RANBP2: variants seen among roughly 807,000 people sequenced by gnomAD.
RANBP2 encodes E3 SUMO-protein ligase RanBP2.
A neutral mutation model predicts 303.6 loss-of-function variants in RANBP2; 57 were observed. That is an observed-to-expected ratio of 0.19 (90% confidence interval 0.15 to 0.23). The LOEUF is 0.23. Ranked by LOEUF, RANBP2 falls within the 10% of genes least tolerant of loss-of-function variation. The pLI is 1.00. For missense variants in RANBP2, 3,138 were observed against 3,780.8 expected, an observed-to-expected ratio of 0.83 and a Z score of 4.46; for synonymous variants, 1,167 against 1,301.5, an observed-to-expected ratio of 0.90 and a Z score of 2.23.
the RANBP2 span, among the ~76,000 whole-genome samples, chr2:109,520,669 G>A: frequency 7.5e-6 from 1 of 133,602 alleles, no homozygotes; most frequent in East Asian, 2.1e-4. Context: ...AGCGGCTCAC[G>A]CCTATAATCC....
chr2:109,485,881 G>C, the RANBP2 span, among the ~76,000 whole-genome samples: 7 of 152,354 alleles, frequency 4.6e-5, no homozygotes, highest in East Asian at 9.6e-4. Context: ...CAAGCCTCCA[G>C]TCCCTGGCCC....
At chr2:109,318,876 C>A in the RANBP2 span, among the ~76,000 whole-genome samples, 1 of 152,256 alleles carries the variant, frequency 6.6e-6, no homozygotes, top group African/African-American at 2.4e-5. Context: ...GAACCAAAGC[C>A]AGCTGGAATT....
At chr2:109,501,990 A>G in the RANBP2 span, 1 of 296,474 alleles carries the variant, frequency 3.4e-6, no homozygotes, top group Non-Finnish European at 6.5e-6. Flanking sequence ...CAGCCATGGC[A>G]GCGTTCTCAT....
the RANBP2 span, chr2:108,883,713 G>A: frequency 6.6e-6 from 1 of 152,288 alleles, no homozygotes; most frequent in Non-Finnish European, 1.5e-5. Context: ...GTTGCCATCA[G>A]GAGACAACAG....
At chr2:109,760,657 G>C in the RANBP2 span, among the ~76,000 whole-genome samples, 2 of 144,988 alleles carry the variant, frequency 1.4e-5, no homozygotes, top group Admixed American at 1.4e-4. Flanking sequence ...CGCAGCGCGC[G>C]GGCGGCCCGA....
the RANBP2 span, among the ~76,000 whole-genome samples, chr2:109,584,779 A>G: frequency 6.6e-6 from 1 of 152,186 alleles, no homozygotes; most frequent in Non-Finnish European, 1.5e-5. Context: ...TATTGTTCTT[A>G]TATGTCTTGT....
At chr2:109,636,964 C>A in the RANBP2 span, among the ~76,000 whole-genome samples, 1 of 152,158 alleles carries the variant, frequency 6.6e-6, no homozygotes, top group Non-Finnish European at 1.5e-5. Context: ...GGGACCAGCG[C>A]TCAGCATACC....
the RANBP2 span, among the ~76,000 whole-genome samples, chr2:108,919,622 T>C: frequency 6.6e-6 from 1 of 152,130 alleles, no homozygotes; most frequent in Non-Finnish European, 1.5e-5. Flanking sequence ...CCTCCCAGAG[T>C]GCTGAGATTT....
chr2:108,877,786 C>G, the RANBP2 span, among the ~76,000 whole-genome samples: 2 of 152,272 alleles, frequency 1.3e-5, no homozygotes, highest in Non-Finnish European at 2.9e-5. Flanking sequence ...AAGGGCTCAT[C>G]ATGTTCCAGA....
chr2:108,916,828 C>T, the RANBP2 span, among the ~76,000 whole-genome samples: 2 of 152,212 alleles, frequency 1.3e-5, no homozygotes, highest in Admixed American at 6.5e-5. Context: ...AGCCCCCTCA[C>T]GTTCCAAAGT....
At chr2:109,659,047 AG>A in the RANBP2 span, among the ~76,000 whole-genome samples, 2 of 151,074 alleles carry the variant, frequency 1.3e-5, no homozygotes, top group Non-Finnish European at 2.9e-5. Context: ...CCTGGGTGAC[AG>A]GGCGAGACTC....
the RANBP2 span, among the ~76,000 whole-genome samples, chr2:108,838,678 A>G: frequency 6.6e-5 from 10 of 152,294 alleles, no homozygotes; most frequent in African/African-American, 7.2e-5. Flanking sequence ...TATGCATGCA[A>G]TGTAGACATA....
intron 18 of RANBP2, among the ~76,000 whole-genome samples, chr2:108,759,456 G>A (rs535212862): frequency 6.6e-6 from 1 of 152,150 alleles, no homozygotes; most frequent in African/African-American, 2.4e-5. Flanking sequence ...TTTTACGTAC[G>A]ACAGACTTCT....
At chr2:108,821,613 A>G in the RANBP2 span, among the ~76,000 whole-genome samples, 1 of 152,190 alleles carries the variant, frequency 6.6e-6, no homozygotes, top group East Asian at 1.9e-4. Flanking sequence ...CAAAAAAGCT[A>G]CAAAACATAC....
At chr2:108,858,003 A>G in the RANBP2 span, among the ~76,000 whole-genome samples, 1 of 152,222 alleles carries the variant, frequency 6.6e-6, no homozygotes, top group East Asian at 1.9e-4. Flanking sequence ...AGTCTATTAG[A>G]GGAGATAGTC....
At chr2:109,131,865 C>T in the RANBP2 span, among the ~76,000 whole-genome samples, 5 of 152,266 alleles carry the variant, frequency 3.3e-5, no homozygotes, top group East Asian at 9.6e-4. Flanking sequence ...GTTTAATAGA[C>T]GAGCACTTAT....
At chr2:109,137,478 C>T in the RANBP2 span, among the ~76,000 whole-genome samples, 1 of 152,174 alleles carries the variant, frequency 6.6e-6, no homozygotes, top group African/African-American at 2.4e-5. Flanking sequence ...AGAGAACTTG[C>T]TGCTGTGGCT....
At chr2:109,146,022 T>C in the RANBP2 span, among the ~76,000 whole-genome samples, 2 of 152,060 alleles carry the variant, frequency 1.3e-5, no homozygotes, top group South Asian at 2.1e-4. Flanking sequence ...TCCTTGTCTA[T>C]GTGGGCCGAC....
At chr2:109,300,199 A>T in the RANBP2 span, among the ~76,000 whole-genome samples, 5,080 of 151,398 alleles carry the variant, frequency 0.034, 199 homozygotes, top group African/African-American at 0.09. Context: ...GCATCCTGAA[A>T]TTTTTTTTTC....
Sources: allele counts gnomAD v4.1 joint callset (sites outside exome capture counted in the v4.1 genomes callset), GRCh38; gene constraint gnomAD v4.1.1; transcripts MANE v1.5; gene names NCBI Gene and HGNC (gene_info 2026-07-23, HGNC 2026-07-21).